RGS21: variants seen among roughly 807,000 people sequenced by gnomAD.
The protein encoded by RGS21 is regulator of G protein signaling 21.
A neutral mutation model predicts 18.7 loss-of-function variants in RGS21; 19 were observed. That is an observed-to-expected ratio of 1.01 (90% CI 0.71 to 1.49). The LOEUF (loss-of-function observed/expected upper bound fraction) is 1.49. RGS21 is among the 40% of genes most tolerant of loss of function. The probability of loss-of-function intolerance (pLI) is 0.00; values close to 1 mark genes in which losing one functional copy is unlikely to be tolerated. For missense variants in RGS21, 194 were observed against 176.8 expected (o/e 1.10, Z -0.55); for synonymous variants, 56 against 57.8 (o/e 0.97, Z 0.14).
chr1:192,333,650 A>T (rs1371113803), intron 1 of RGS21, among the ~76,000 whole-genome samples: 1 of 138,148 alleles, frequency 7.2e-6, no homozygotes, highest in African/African-American at 2.7e-5. Flanking sequence ...AAAAAAAAAA[A>T]AAAAAAGAGA....
chr1:192,345,044 C>T (rs1317350242), intron 2 of RGS21, among the ~76,000 whole-genome samples: 3 of 152,042 alleles, frequency 2.0e-5, no homozygotes, highest in Non-Finnish European at 2.9e-5. Context: ...ACACCATCTC[C>T]CACACTTTGC....
At chr1:192,358,590 A>G (rs1446612504) in intron 4 of RGS21, among the ~76,000 whole-genome samples, 1 of 152,020 alleles carries the variant, frequency 6.6e-6, no homozygotes, top group Admixed American at 6.6e-5. Flanking sequence ...AAGGCGTTTT[A>G]CTTATGCATG....
At chr1:192,351,056 T>G (rs1253144791) in intron 3 of RGS21, among the ~76,000 whole-genome samples, 1 of 152,116 alleles carries the variant, frequency 6.6e-6, no homozygotes, top group Non-Finnish European at 1.5e-5. Flanking sequence ...TAAACATGCC[T>G]GTGAATAAGT....
chr1:192,354,252 T>C (rs1318710768), intron 4 of RGS21, among the ~76,000 whole-genome samples: 1 of 151,796 alleles, frequency 6.6e-6, no homozygotes, highest in Non-Finnish European at 1.5e-5. Context: ...GGTGATATAA[T>C]AATAAAGCTT....
Position 192,322,004 on chromosome 1 carries a change from T to C in RGS21, c.-61+4899T>C, listed in dbSNP as rs576356334. On this transcript the variant is annotated intron_variant, in intron 1 of 4. Coordinates refer to ENST00000417209, the MANE Select transcript of RGS21 (RefSeq NM_001039152.3). The stretch of plus-strand genomic sequence containing the variant: ...AAAGTAATTTGATGCAGATTTTTCT[T>C]ATAATATCTTTTAAACACACAATAT... Among the ~76,000 whole-genome samples, 11 of 152,256 alleles carry C rather than the reference T, an allele frequency of 7.2e-5. No homozygotes were observed. The South Asian group carries it at 2.1e-3, about 29-fold the overall frequency.
chr1:192,337,811 A>G (rs1658795536), intron 1 of RGS21, among the ~76,000 whole-genome samples: 1 of 152,218 alleles, frequency 6.6e-6, no homozygotes, highest in Non-Finnish European at 1.5e-5. Context: ...CAATACTTTT[A>G]TATCTATCAT....
At chr1:192,353,163 G>C (rs781047481) in intron 4 of RGS21, among the ~76,000 whole-genome samples, 2 of 151,572 alleles carry the variant, frequency 1.3e-5, no homozygotes, top group African/African-American at 2.4e-5. Flanking sequence ...GTACTTATAG[G>C]AAAAAAAGAT....
intron 1 of RGS21, among the ~76,000 whole-genome samples, chr1:192,317,698 G>A (rs1298528988): frequency 6.6e-6 from 1 of 151,750 alleles, no homozygotes; most frequent in Non-Finnish European, 1.5e-5. Context: ...AACTTGATAG[G>A]ATAAAAGCAC....
At chr1:192,343,930 T>C (rs1268301174) in intron 2 of RGS21, among the ~76,000 whole-genome samples, 1 of 152,076 alleles carries the variant, frequency 6.6e-6, no homozygotes, top group African/African-American at 2.4e-5. Flanking sequence ...ACCAAGTCAG[T>C]AGAGTTTAAA....
intron 4 of RGS21, among the ~76,000 whole-genome samples, chr1:192,354,085 T>A (rs1659080516): frequency 6.6e-6 from 1 of 151,746 alleles, no homozygotes; most frequent in South Asian, 2.1e-4. Flanking sequence ...GATTGCAATC[T>A]TCAAGGTATT....
intron 1 of RGS21, among the ~76,000 whole-genome samples, chr1:192,335,053 T>C (rs369432302): frequency 6.6e-6 from 1 of 152,150 alleles, no homozygotes; most frequent in Non-Finnish European, 1.5e-5. Context: ...ATAAACCTGT[T>C]CATTGTATTA....
chr1:192,321,008 T>C (rs192933897), intron 1 of RGS21, among the ~76,000 whole-genome samples: 40 of 152,138 alleles, frequency 2.6e-4, no homozygotes, highest in African/African-American at 9.6e-4. Context: ...ACCATGACTC[T>C]ATATTTTTAA....
intron 3 of RGS21, among the ~76,000 whole-genome samples, chr1:192,350,275 T>C (rs1165733100): frequency 6.6e-6 from 1 of 152,208 alleles, no homozygotes; most frequent in Admixed American, 6.5e-5. Flanking sequence ...ATCTGTTAAA[T>C]CTATTTTAAT....
rs78453656 is a variant in RGS21, at chr1:192,355,035, C to T, written c.255+2822C>T. Among the ~76,000 whole-genome samples the T allele has an allele frequency of 4.7e-3, 709 of 151,614 alleles. 3 individuals carry two copies. The highest frequency in any genetic ancestry group is 0.02 in the Middle Eastern group (6 of 294). ...TGATAATTTCAGCTGGATTTTATGT[C>T]CTCTCCTTTAAAGTGTTACATTCTC... On this transcript the variant is annotated intron_variant, in intron 4 of 4. Transcript: ENST00000417209.
chr1:192,325,032 C>T (rs1658548647), intron 1 of RGS21, among the ~76,000 whole-genome samples: 1 of 152,030 alleles, frequency 6.6e-6, no homozygotes, highest in Admixed American at 6.6e-5. Flanking sequence ...GATGATCTGG[C>T]TTGAATATCT....
chr1:192,360,060 T>C (rs1659166535), intron 4 of RGS21, among the ~76,000 whole-genome samples: 2 of 152,094 alleles, frequency 1.3e-5, no homozygotes, highest in South Asian at 4.2e-4. Context: ...TAATCCAAAA[T>C]GTATTATAAT....
At chr1:192,318,816 C>A (rs551262147) in intron 1 of RGS21, among the ~76,000 whole-genome samples, 28 of 151,984 alleles carry the variant, frequency 1.8e-4, no homozygotes, top group African/African-American at 6.8e-4. Flanking sequence ...GTCATTGTCA[C>A]CATAAAAACC....
chr1:192,345,614 T>G (rs949231802), intron 2 of RGS21, among the ~76,000 whole-genome samples: 19 of 152,054 alleles, frequency 1.2e-4, no homozygotes, highest in African/African-American at 4.6e-4. Flanking sequence ...TTTGAATGAA[T>G]TTGTCTAGAT....
At chr1:192,364,202 C>T (rs1165168548) in intron 4 of RGS21, among the ~76,000 whole-genome samples, 2 of 152,040 alleles carry the variant, frequency 1.3e-5, no homozygotes, top group East Asian at 3.9e-4. Flanking sequence ...AATAAATGGA[C>T]AACTGATTCC....
Sources: gnomAD v4.1 joint callset for allele counts (sites outside exome capture counted in the v4.1 genomes callset) on GRCh38, gnomAD v4.1.1 for gene constraint, MANE v1.5 for transcripts, NCBI Gene and HGNC (gene_info 2026-07-23, HGNC 2026-07-21) for gene names.